The following ARHGAP23 variants were observed in gnomAD, a reference collection of about 807,000 sequenced individuals.
ARHGAP23 encodes rho GTPase-activating protein 23.
Under a neutral mutation model 136.3 loss-of-function variants are expected in ARHGAP23, and 34 were observed. The observed-to-expected ratio is 0.25, with a 90% CI of 0.19 to 0.33. The LOEUF (loss-of-function observed/expected upper bound fraction) is 0.33. Ranked by LOEUF, ARHGAP23 falls within the 10% of genes least tolerant of loss-of-function variation. ARHGAP23 has a pLI of 1.00. For synonymous variants in ARHGAP23, 832 were observed against 920.5 expected (o/e 0.90, Z 1.74); for missense variants, 1,808 against 2,139.0 (o/e 0.85, Z 3.05).
At chr17:38,503,630 C>G (rs1241016256) in intron 23 of ARHGAP23, among the ~76,000 whole-genome samples, 1 of 152,242 alleles carries the variant, frequency 6.6e-6, no homozygotes, top group Non-Finnish European at 1.5e-5. Context: ...CCCCAGAGCT[C>G]ACAGGCCACT....
intron 6 of ARHGAP23, 151 bp from the exon 7 acceptor site, chr17:38,466,016 C>A (rs1432481759): frequency 5.4e-6 from 3 of 557,250 alleles, no homozygotes; most frequent in Non-Finnish European, 9.0e-6. Context: ...CCCTTCCACC[C>A]CCACCCACTT....
chr17:38,509,883 G>A, intron 23 of ARHGAP23, 61 bp from the exon 24 acceptor site: 1 of 1,198,616 alleles, frequency 8.3e-7, no homozygotes, highest in Non-Finnish European at 1.1e-6. Context: ...ACCGGGTAGA[G>A]CGGGGTCGGC....
In ARHGAP23 at chr17:38,510,521, A is replaced by G. The variant is rs1189659555; in HGVS notation, c.4025A>G (p.Glu1342Gly). The change falls in exon 24 of 24, where the codon GAG (glutamate) becomes GGG (glycine). Residue 1342 changes from glutamate (E) to glycine (G), a missense_variant. Physicochemically the swap from Glu to Gly is moderately conservative, Grantham distance 98. Coordinates refer to ENST00000622683, the MANE Select transcript of ARHGAP23 (RefSeq NM_001199417.2). This position sits in a 1 kb window ranked among gnomAD's most constrained non-coding sequence, Gnocchi z 4.6. ...GGCCGGGGCGGTCCCCGCGCCCCGGAGCCGCCCGGCTCGGCGTCGTCCAGC... is the reference window on the plus strand; with the variant it reads ...GGCCGGGGCGGTCCCCGCGCCCCGGGGCCGCCCGGCTCGGCGTCGTCCAGC... Reference protein sequence around the residue: ...GAGRGGPRAPEPPGSASSSSQ... With the variant: ...GAGRGGPRAPGPPGSASSSSQ... 8.8e-7 allele frequency: 1 copy of G among 1,139,218 alleles called. No homozygotes were observed. The highest frequency in any genetic ancestry group is 1.1e-6 in the Non-Finnish European group (1 of 931,596). 70.6% of individuals were successfully genotyped at this position (1,139,218 alleles called of 1,614,324 possible). A position where few individuals can be genotyped will look rare whatever the true frequency, so the allele number is the denominator to read the frequency against.
intron 1 of ARHGAP23, among the ~76,000 whole-genome samples, chr17:38,429,086 C>A (rs1490750286): frequency 1.3e-5 from 2 of 152,244 alleles, no homozygotes; most frequent in Non-Finnish European, 2.9e-5. Flanking sequence ...GGTTGCCAGG[C>A]GCGGTTCCGC....
intron 21 of ARHGAP23, 62 bp downstream of exon 21, chr17:38,497,888 G>C: frequency 2.0e-6 from 3 of 1,521,380 alleles, no homozygotes; most frequent in Non-Finnish European, 2.7e-6. Flanking sequence ...CCAGTCCTTG[G>C]GGGTGGGGCA....
chr17:38,487,205 A>G (rs1375346387), intron 17 of ARHGAP23, among the ~76,000 whole-genome samples: 13 of 152,182 alleles, frequency 8.5e-5, no homozygotes, highest in African/African-American at 2.9e-4. Context: ...TAATTCTGAG[A>G]TTCATTCGTG....
chr17:38,509,002 T>C (rs1274156085), intron 23 of ARHGAP23, among the ~76,000 whole-genome samples: 1 of 100,100 alleles, frequency 1.0e-5, no homozygotes, highest in Non-Finnish European at 1.8e-5. Flanking sequence ...AAAACAGTCC[T>C]GGGAACACTG....
At chr17:38,422,493 T>C (rs1475478819) in intron 1 of ARHGAP23, among the ~76,000 whole-genome samples, 6 of 152,162 alleles carry the variant, frequency 3.9e-5, no homozygotes, top group Non-Finnish European at 7.4e-5. Context: ...TGGGCTGGGT[T>C]TCCCAAACGT....
intron 22 of ARHGAP23, chr17:38,499,033 A>C: frequency 5.7e-6 from 4 of 698,786 alleles, no homozygotes; most frequent in Non-Finnish European, 5.2e-6. Context: ...AGCGGCAGGC[A>C]GAATGTCCCG....
chr17:38,424,451 T>C (rs955652710), upstream of ARHGAP23, among the ~76,000 whole-genome samples: 3 of 152,058 alleles, frequency 2.0e-5, no homozygotes, highest in Admixed American at 1.3e-4. Context: ...CCACACCCAC[T>C]GGCCCCCGAG....
chr17:38,470,010 C>A (rs2039710496), intron 10 of ARHGAP23, 106 bp downstream of exon 10: 9 of 1,365,022 alleles, frequency 6.6e-6, no homozygotes, highest in Non-Finnish European at 7.1e-6. Context: ...TGCTCCAGCT[C>A]CTGCCTTCCT....
upstream of ARHGAP23, chr17:38,428,384 C>A: frequency 2.9e-6 from 1 of 339,844 alleles, no homozygotes. Context: ...CCGGGGGGGG[C>A]CCCCCCACAC....
intron 11 of ARHGAP23, among the ~76,000 whole-genome samples, chr17:38,476,772 G>C (rs1025517475): frequency 3.9e-5 from 6 of 152,166 alleles, no homozygotes; most frequent in African/African-American, 1.4e-4. Flanking sequence ...TTCCTTGTTG[G>C]GGGAGGCTGT....
At position 38,510,161 on chromosome 17, in the gene ARHGAP23, C is replaced by T. The variant is rs2040722995; in HGVS notation, c.3665C>T (p.Ala1222Val). Residue 1222 changes from alanine (A) to valine (V), a missense_variant, in exon 24 of 24, where the codon GCC (alanine) becomes GTC (valine). Ala to Val is a moderately conservative substitution (Grantham distance 64, BLOSUM62 0). Transcript: ENST00000622683. The surrounding 1 kb of genome is among the most constrained non-coding windows in gnomAD (Gnocchi z 4.6). ...RPQGPLPGAV[A>V]PEAPGRLSPP... ...CAGGGGCCGCTGCCTGGCGCCGTCG[C>T]CCCCGAGGCCCCCGGACGCCTCAGT... 7 of 1,288,730 alleles carry T rather than the reference C, an allele frequency of 5.4e-6. No homozygotes were observed. Among genetic ancestry groups the T allele is most frequent in the Non-Finnish European group, 5.8e-6 (6 of 1,026,660 alleles). The allele number at this position is 1,288,730 out of a possible 1,614,324, so 79.8% of individuals were successfully genotyped here. A position where few individuals can be genotyped will look rare whatever the true frequency, so the allele number is the denominator to read the frequency against.
At chr17:38,471,777 T>C in intron 10 of ARHGAP23, 86 bp from the exon 11 acceptor site, 3 of 1,437,754 alleles carry the variant, frequency 2.1e-6, no homozygotes, top group Non-Finnish European at 2.8e-6. Context: ...ATATCAGGCC[T>C]GTGCGGCCAC....
Position 38,428,511 on chromosome 17 carries a change from T to G in ARHGAP23, c.26T>G (p.Val9Gly). 6.9e-7 allele frequency: 1 copy of G among 1,455,412 alleles called. No individual in the cohort carries two copies. The highest frequency in any genetic ancestry group is 9.0e-7 in the Non-Finnish European group (1 of 1,107,352). The allele number at this position is 1,455,412 out of a possible 1,614,324, so 90.2% of individuals were successfully genotyped here. A position where few individuals can be genotyped will look rare whatever the true frequency, so the allele number is the denominator to read the frequency against. Reference sequence around the variant, plus strand: ...ATGAATGGAGTCGCCTTCTGCCTGGTCGGGATCCCGCCCCGCCCGGAGCCC... The same window carrying G: ...ATGAATGGAGTCGCCTTCTGCCTGGGCGGGATCCCGCCCCGCCCGGAGCCC... MNGVAFCL[V>G]GIPPRPEPRP... is the part of the protein sequence containing the mutation. Residue 9 changes from valine to glycine, a missense_variant, in exon 1 of 24, where the codon GTC (valine) becomes GGC (glycine). Physicochemically the swap from Val to Gly is moderately radical, Grantham distance 109 (BLOSUM62 -3). This residue lies in a region of ARHGAP23 where 859 missense variants were observed against 936.4 expected (regional missense o/e 0.92). Transcript: ENST00000622683.
chr17:38,436,191 G>A (rs2144507091), intron 1 of ARHGAP23, among the ~76,000 whole-genome samples: 1 of 152,260 alleles, frequency 6.6e-6, no homozygotes, highest in East Asian at 1.9e-4. Flanking sequence ...GGAGAGGGTA[G>A]GAGGCAGAAA....
chr17:38,511,105 G>A lies in ARHGAP23; in HGVS notation c.*133G>A. On this transcript the variant is annotated 3_prime_UTR_variant, in exon 24 of 24. Transcript: ENST00000622683. Reference sequence around the variant, plus strand: ...GTGGGTGGAGGGCGCAGCAGGCAGTGTCTCTAGTTGGTGTGCTGGAACTGG... The same window carrying A: ...GTGGGTGGAGGGCGCAGCAGGCAGTATCTCTAGTTGGTGTGCTGGAACTGG... The A allele has an allele frequency of 3.1e-6, 3 of 974,586 alleles. No individual in the cohort carries two copies. Among genetic ancestry groups the A allele is most frequent in the Non-Finnish European group, 2.8e-6 (2 of 716,054 alleles). The allele number at this position is 974,586 out of a possible 1,614,324, so 60.4% of individuals were successfully genotyped here.
intron 6 of ARHGAP23, 117 bp downstream of exon 6, chr17:38,463,499 G>A: frequency 8.0e-7 from 1 of 1,254,746 alleles, no homozygotes; most frequent in East Asian, 2.5e-5. Flanking sequence ...GCCCAGTTGG[G>A]GATGCCAGGC....
Sources: allele counts gnomAD v4.1 joint callset (sites outside exome capture counted in the v4.1 genomes callset), GRCh38; gene constraint gnomAD v4.1.1; regional missense constraint gnomAD v4.1.1; non-coding constraint Gnocchi (gnomAD v3.1); transcripts MANE v1.5; gene names NCBI Gene and HGNC (gene_info 2026-07-23, HGNC 2026-07-21).